CSMD1: variants seen among roughly 807,000 people sequenced by gnomAD.
The protein encoded by CSMD1 is CUB and Sushi multiple domains 1.
In CSMD1, 213 loss-of-function variants were observed where a neutral mutation model predicts 417.5. The ratio of observed to expected loss-of-function variants is 0.51; its 90% confidence interval spans 0.46 to 0.57. The LOEUF is 0.57. CSMD1 is among the 20% of genes least tolerant of loss of function. CSMD1 has a pLI of 0.00. For missense variants in CSMD1, 6,923 were observed against 4,529.7 expected (o/e 1.53, Z -15.17); for synonymous variants, 2,862 against 1,736.8 (o/e 1.65, Z -16.11).
intron 46 of CSMD1, among the ~76,000 whole-genome samples, chr8:3,105,456 C>T (rs983989622): frequency 2.6e-5 from 4 of 152,218 alleles, no homozygotes; most frequent in Non-Finnish European, 4.4e-5. Flanking sequence ...GATGTTTCGA[C>T]TTACTTGAGC....
chr8:4,233,515 T>C (rs1230584227), intron 3 of CSMD1, among the ~76,000 whole-genome samples: 1 of 152,132 alleles, frequency 6.6e-6, no homozygotes, highest in Non-Finnish European at 1.5e-5. Flanking sequence ...AGTGCCCTTA[T>C]AAAAGAGGAC....
At chr8:4,410,461 T>C (rs1305489100) in intron 3 of CSMD1, among the ~76,000 whole-genome samples, 1 of 152,220 alleles carries the variant, frequency 6.6e-6, no homozygotes. Flanking sequence ...ATAGCCAATA[T>C]TTGATGGTGT....
intron 11 of CSMD1, among the ~76,000 whole-genome samples, chr8:3,474,898 T>C (rs1223245138): frequency 6.6e-6 from 1 of 152,210 alleles, no homozygotes; most frequent in African/African-American, 2.4e-5. Context: ...AAATCTATTT[T>C]TGATAGAGGA....
rs369715157 is a variant in CSMD1 at position 3,852,381 on chromosome 8, C to G, written c.819-98339G>C. On this transcript the variant is annotated intron_variant, in intron 5 of 69. Transcript: ENST00000635120. ...TAAGGGACACCCTCTCTACTCCCAG[C>G]CAAGTGGATGAGCATGTACAGTGAA... is the stretch of plus-strand genomic sequence containing the variant. Among the ~76,000 whole-genome samples the G allele has an allele frequency of 1.3e-5, 2 of 152,050 alleles. 1 individual carries two copies. Among genetic ancestry groups the G allele is most frequent in the Admixed American group, 1.3e-4 (2 of 15,262 alleles).
chr8:3,252,098 G>A (rs1275763590), intron 26 of CSMD1, among the ~76,000 whole-genome samples: 1 of 152,208 alleles, frequency 6.6e-6, no homozygotes, highest in East Asian at 1.9e-4. Context: ...CCAACACTAT[G>A]TTGAATAGTA....
chr8:4,204,292 T>G (rs1340761179), intron 3 of CSMD1, among the ~76,000 whole-genome samples: 1 of 152,182 alleles, frequency 6.6e-6, no homozygotes, highest in Non-Finnish European at 1.5e-5. Context: ...ATTTGGAAGT[T>G]TTTGGTTTTC....
At chr8:3,967,323 A>G (rs538914285) in intron 5 of CSMD1, among the ~76,000 whole-genome samples, 52 of 152,184 alleles carry the variant, frequency 3.4e-4, no homozygotes, top group African/African-American at 1.2e-3. Flanking sequence ...AATGGAAATG[A>G]TGGTACGGCT....
intron 1 of CSMD1, among the ~76,000 whole-genome samples, chr8:4,993,226 C>G (rs535132503): frequency 5.3e-5 from 8 of 151,982 alleles, no homozygotes; most frequent in Non-Finnish European, 1.0e-4. Context: ...AGATTGGACT[C>G]CAACCTTTAA....
At chr8:3,729,871 C>T (rs1022063053) in intron 6 of CSMD1, among the ~76,000 whole-genome samples, 2 of 131,530 alleles carry the variant, frequency 1.5e-5, no homozygotes, top group African/African-American at 6.0e-5. Flanking sequence ...CGTATCAAAA[C>T]ATCACACTGT....
intron 3 of CSMD1, among the ~76,000 whole-genome samples, chr8:4,414,340 T>G (rs1047833503): frequency 5.9e-5 from 9 of 152,312 alleles, no homozygotes; most frequent in Non-Finnish European, 1.3e-4. Flanking sequence ...AGAAAAGGTC[T>G]CTCTAGCAGC....
chr8:4,180,043 G>C (rs188378063), intron 3 of CSMD1, among the ~76,000 whole-genome samples: 1 of 152,116 alleles, frequency 6.6e-6, no homozygotes, highest in African/African-American at 2.4e-5. Context: ...ACCTAGAACT[G>C]GAAATACCAT....
intron 5 of CSMD1, among the ~76,000 whole-genome samples, chr8:3,968,954 C>G (rs997111032): frequency 1.7e-4 from 26 of 152,186 alleles, no homozygotes; most frequent in African/African-American, 5.8e-4. Flanking sequence ...CTCTTCTTTA[C>G]TAAGACCTAA....
At chr8:4,305,447 C>A (rs189120652) in intron 3 of CSMD1, among the ~76,000 whole-genome samples, 1 of 152,116 alleles carries the variant, frequency 6.6e-6, no homozygotes, top group Non-Finnish European at 1.5e-5. Flanking sequence ...GTAAGGTAAG[C>A]CACTGAGCAG....
At chr8:4,032,347 G>C (rs922215851) in intron 3 of CSMD1, among the ~76,000 whole-genome samples, 2 of 152,126 alleles carry the variant, frequency 1.3e-5, no homozygotes, top group African/African-American at 4.8e-5. Flanking sequence ...GAAAAATATA[G>C]TCCTGCTTTT....
intron 1 of CSMD1, among the ~76,000 whole-genome samples, chr8:4,641,038 G>T (rs185367150): frequency 2.6e-4 from 39 of 150,588 alleles, no homozygotes; most frequent in African/African-American, 8.5e-4. Flanking sequence ...TTTCAATTTC[G>T]ATTTCAATTT....
intron 5 of CSMD1, among the ~76,000 whole-genome samples, chr8:3,895,109 G>C (rs937023841): frequency 1.3e-5 from 2 of 152,118 alleles, no homozygotes; most frequent in African/African-American, 2.4e-5. Flanking sequence ...TTAACATATT[G>C]ATTAAATGTG....
chr8:3,400,672 T>C (rs1267410206), intron 15 of CSMD1, among the ~76,000 whole-genome samples: 3 of 151,954 alleles, frequency 2.0e-5, no homozygotes, highest in Admixed American at 6.6e-5. Flanking sequence ...ACTTGAAAAG[T>C]GGATAAAAAA....
At chr8:4,466,607 A>G (rs773639479) in intron 2 of CSMD1, among the ~76,000 whole-genome samples, 13 of 152,234 alleles carry the variant, frequency 8.5e-5, no homozygotes, top group Admixed American at 3.3e-4. Context: ...CTAAGAGTTC[A>G]TAAGCCAGTT....
chr8:4,385,159 T>C (rs113916325), intron 3 of CSMD1, among the ~76,000 whole-genome samples: 1 of 77,262 alleles, frequency 1.3e-5, no homozygotes, highest in Admixed American at 1.2e-4. Flanking sequence ...ACTCCTGACC[T>C]CAGGTGATCC....
Sources: allele counts gnomAD v4.1 joint callset (sites outside exome capture counted in the v4.1 genomes callset), GRCh38; gene constraint gnomAD v4.1.1; transcripts MANE v1.5; gene names NCBI Gene and HGNC (gene_info 2026-07-23, HGNC 2026-07-21).